The following CYP7B1 variants were observed in gnomAD, a reference collection of about 807,000 sequenced individuals.
CYP7B1 encodes the protein cytochrome P450 family 7 subfamily B member 1, also known as cytochrome P450 7B1.
Under a neutral mutation model 42.7 loss-of-function variants are expected in CYP7B1, and 29 were observed. The ratio of observed to expected loss-of-function variants is 0.68; its 90% confidence interval spans 0.51 to 0.93. The LOEUF (loss-of-function observed/expected upper bound fraction) is 0.93, where lower values mean the gene tolerates loss of function less well. Ranked by LOEUF, CYP7B1 falls within the 40% of genes least tolerant of loss-of-function variation. The probability of loss-of-function intolerance (pLI) is 0.00; values close to 1 mark genes in which losing one functional copy is unlikely to be tolerated. For missense variants in CYP7B1, 655 were observed against 600.5 expected (o/e 1.09, Z -0.95); for synonymous variants, 235 against 218.2 (o/e 1.08, Z -0.68).
chr8:64,735,372 T>G (rs1251072975), intron 1 of CYP7B1, among the ~76,000 whole-genome samples: 1 of 152,038 alleles, frequency 6.6e-6, no homozygotes, highest in Admixed American at 6.6e-5. Flanking sequence ...AAAGGAAATC[T>G]CCATTTCTAA....
intron 1 of CYP7B1, among the ~76,000 whole-genome samples, chr8:64,709,753 A>G (rs1244610257): frequency 6.6e-6 from 1 of 152,210 alleles, no homozygotes; most frequent in Non-Finnish European, 1.5e-5. Context: ...TTTTCAAAGG[A>G]GGAAAAAGAA....
At chr8:64,683,789 G>C (rs1806577442) in intron 1 of CYP7B1, among the ~76,000 whole-genome samples, 1 of 152,028 alleles carries the variant, frequency 6.6e-6, no homozygotes, top group South Asian at 2.1e-4. Flanking sequence ...GTTCTAGTGA[G>C]CCTTTAAAAA....
intron 1 of CYP7B1, among the ~76,000 whole-genome samples, chr8:64,720,357 A>G (rs1175349633): frequency 6.6e-6 from 1 of 152,234 alleles, no homozygotes; most frequent in East Asian, 1.9e-4. Flanking sequence ...ACACAATAAA[A>G]TGAAAAAGTC....
At chr8:64,645,691 A>G (rs1805942373) in intron 1 of CYP7B1, among the ~76,000 whole-genome samples, 1 of 152,136 alleles carries the variant, frequency 6.6e-6, no homozygotes, top group African/African-American at 2.4e-5. Flanking sequence ...GAATTGCAAA[A>G]AACTACTTTA....
chr8:64,726,422 C>A (rs1807325428), intron 1 of CYP7B1, among the ~76,000 whole-genome samples: 1 of 152,100 alleles, frequency 6.6e-6, no homozygotes, highest in African/African-American at 2.4e-5. Flanking sequence ...AACCCAGTTA[C>A]AAAAAGTAGT....
At chr8:64,675,395 C>T (rs767477244) in intron 1 of CYP7B1, among the ~76,000 whole-genome samples, 1 of 151,152 alleles carries the variant, frequency 6.6e-6, no homozygotes, top group Non-Finnish European at 1.5e-5. Flanking sequence ...ATGAAAACTG[C>T]AAGATGTGCT....
Position 64,649,058 on chromosome 8 carries a change from C to T in CYP7B1, c.123-24519G>A, listed in dbSNP as rs186871854. On this transcript the variant is annotated intron_variant, in intron 1 of 5. Transcript: ENST00000310193. Reference sequence around the variant, plus strand: ...AGTTTAGTAATGTTAAGTATATTCCCACTATTGTAAAACAGATCTCTAGAA... The same window carrying T: ...AGTTTAGTAATGTTAAGTATATTCCTACTATTGTAAAACAGATCTCTAGAA... 3.3e-4 allele frequency among the ~76,000 whole-genome samples: 50 copies of T among 152,228 alleles called. 1 individual carries two copies. In the East Asian group the frequency reaches 9.7e-3, roughly 29 times the overall value.
intron 1 of CYP7B1, among the ~76,000 whole-genome samples, chr8:64,670,331 T>A (rs1244664414): frequency 6.6e-6 from 1 of 152,210 alleles, no homozygotes; most frequent in Non-Finnish European, 1.5e-5. Flanking sequence ...AAAGGTAAAA[T>A]TATGTAAAGT....
intron 1 of CYP7B1, among the ~76,000 whole-genome samples, chr8:64,627,777 A>G (rs1805630259): frequency 6.6e-6 from 1 of 152,204 alleles, no homozygotes; most frequent in Non-Finnish European, 1.5e-5. Context: ...ATTAAACACC[A>G]TGTCACAACT....
chr8:64,721,173 A>G (rs1220311189), intron 1 of CYP7B1, among the ~76,000 whole-genome samples: 1 of 152,054 alleles, frequency 6.6e-6, no homozygotes, highest in South Asian at 2.1e-4. Flanking sequence ...GAATGTATTC[A>G]ATATTTGAAA....
chr8:64,737,871 G>A (rs570325971), intron 1 of CYP7B1, among the ~76,000 whole-genome samples: 1 of 152,314 alleles, frequency 6.6e-6, no homozygotes, highest in South Asian at 2.1e-4. Context: ...GGTGGCAGCA[G>A]TAACTGGGAA....
At chr8:64,690,107 A>T (rs1335967542) in intron 1 of CYP7B1, among the ~76,000 whole-genome samples, 2 of 152,160 alleles carry the variant, frequency 1.3e-5, no homozygotes, top group Non-Finnish European at 2.9e-5. Context: ...TTAAAAAGTA[A>T]TGATCGGGGG....
intron 1 of CYP7B1, among the ~76,000 whole-genome samples, chr8:64,797,648 A>C (rs1313417441): frequency 6.6e-6 from 1 of 152,210 alleles, no homozygotes; most frequent in East Asian, 1.9e-4. Flanking sequence ...ACACACATAG[A>C]TATCTATACA....
intron 1 of CYP7B1, among the ~76,000 whole-genome samples, chr8:64,741,401 C>A (rs556165769): frequency 5.3e-5 from 8 of 152,042 alleles, no homozygotes; most frequent in Admixed American, 2.0e-4. Context: ...CTCACTGCAA[C>A]CTTCACCTCC....
At chr8:64,787,394 G>A (rs1204020711) in intron 1 of CYP7B1, among the ~76,000 whole-genome samples, 3 of 152,122 alleles carry the variant, frequency 2.0e-5, no homozygotes, top group Non-Finnish European at 4.4e-5. Flanking sequence ...TGGGGCCGGG[G>A]CAAAATGCCA....
chr8:64,653,823 C>T (rs1806076190), intron 1 of CYP7B1, among the ~76,000 whole-genome samples: 1 of 152,188 alleles, frequency 6.6e-6, no homozygotes, highest in Non-Finnish European at 1.5e-5. Flanking sequence ...TCTTCATCCC[C>T]AGGATGCAAG....
intron 1 of CYP7B1, among the ~76,000 whole-genome samples, chr8:64,768,477 G>T (rs1317529445): frequency 3.3e-5 from 5 of 152,026 alleles, no homozygotes; most frequent in Non-Finnish European, 5.9e-5. Flanking sequence ...GTCTTTTCCT[G>T]TAATAATGTT....
Position 64,591,473 on chromosome 8 carries a change from A to G in CYP7B1, c.*5169T>C, listed in dbSNP as rs16931331. Among the ~76,000 whole-genome samples the G allele has an allele frequency of 0.2, 30,492 of 152,146 alleles. 3,175 individuals are homozygous for G. Among genetic ancestry groups the G allele is most frequent in the East Asian group, 0.32 (1,650 of 5,176 alleles). ...CACATAATTATTGCCATTCTTTTAT[A>G]CTAGGATCAAACACTAGATAAATGT... On this transcript the variant is annotated 3_prime_UTR_variant, in exon 6 of 6. Coordinates refer to ENST00000310193, the MANE Select transcript of CYP7B1 (RefSeq NM_004820.5).
At chr8:64,666,438 G>A (rs1401411178) in intron 1 of CYP7B1, among the ~76,000 whole-genome samples, 2 of 152,164 alleles carry the variant, frequency 1.3e-5, no homozygotes, top group Non-Finnish European at 2.9e-5. Context: ...TTATGTGAAA[G>A]AGAGTAATAA....
Sources: gnomAD v4.1 joint callset for allele counts (sites outside exome capture counted in the v4.1 genomes callset) on GRCh38, gnomAD v4.1.1 for gene constraint, MANE v1.5 for transcripts, NCBI Gene and HGNC (gene_info 2026-07-23, HGNC 2026-07-21) for gene names.